FHOD3: variants seen among roughly 807,000 people sequenced by gnomAD.
FHOD3 encodes formin homology 2 domain containing 3.
In FHOD3, 90 loss-of-function variants were observed where a neutral mutation model predicts 173.0. That is an observed-to-expected ratio of 0.52 (90% CI 0.44 to 0.62). The LOEUF (loss-of-function observed/expected upper bound fraction) is 0.62, where lower values mean the gene tolerates loss of function less well. FHOD3 is among the 20% of genes least tolerant of loss of function. The pLI is 0.00. For missense variants in FHOD3, 1,945 were observed against 2,034.7 expected (o/e 0.96, Z 0.85); for synonymous variants, 828 against 823.0 (o/e 1.01, Z -0.10).
In FHOD3 at chr18:36,760,799, CG is replaced by C; in HGVS notation, c.4624+21del. On this transcript the variant is annotated intron_variant, in intron 27 of 28. Coordinates refer to ENST00000590592, the MANE Select transcript of FHOD3 (RefSeq NM_001281740.3). ...CAAGCCGAGGTAACTCCTGGCTGCG[CG>C]GGGCTCGTCTTGTCTTCTCAGGTTG... is the stretch of plus-strand genomic sequence containing the variant. The C allele has an allele frequency of 6.3e-7, 1 of 1,596,666 alleles. No individual in the cohort carries two copies. Among genetic ancestry groups the C allele is most frequent in the Non-Finnish European group, 8.5e-7 (1 of 1,172,098 alleles).
chr18:36,547,730 C>T (rs1274283261), intron 5 of FHOD3, among the ~76,000 whole-genome samples: 4 of 152,170 alleles, frequency 2.6e-5, no homozygotes, highest in Non-Finnish European at 4.4e-5. Context: ...ACCCGCAGAT[C>T]GTTGGAGGCA....
At chr18:36,703,669 T>C (rs2039708916) in intron 17 of FHOD3, among the ~76,000 whole-genome samples, 1 of 152,108 alleles carries the variant, frequency 6.6e-6, no homozygotes, top group African/African-American at 2.4e-5. Context: ...GAGTTGGTGT[T>C]GGGATTTGGG....
At chr18:36,309,925 G>A (rs557072266) in intron 1 of FHOD3, among the ~76,000 whole-genome samples, 1 of 152,350 alleles carries the variant, frequency 6.6e-6, no homozygotes, top group African/African-American at 2.4e-5. Flanking sequence ...GGCAAGTGGG[G>A]CATTTGGGCC....
At chr18:36,698,840 T>C (rs1447121801) in intron 17 of FHOD3, among the ~76,000 whole-genome samples, 1 of 152,216 alleles carries the variant, frequency 6.6e-6, no homozygotes, top group Non-Finnish European at 1.5e-5. Context: ...CAAGCCTCAG[T>C]TCCCACAGGG....
chr18:36,493,866 G>T (rs1030757188), intron 3 of FHOD3, among the ~76,000 whole-genome samples: 1 of 152,288 alleles, frequency 6.6e-6, no homozygotes, highest in Middle Eastern at 3.4e-3. Context: ...GAGGCTCTGG[G>T]GACGTGGTCC....
intron 2 of FHOD3, among the ~76,000 whole-genome samples, chr18:36,372,360 C>G (rs2047232682): frequency 6.6e-6 from 1 of 152,202 alleles, no homozygotes; most frequent in African/African-American, 2.4e-5. Flanking sequence ...CCAGGAATTT[C>G]ACTTCATGGA....
intron 17 of FHOD3, 97 bp from the exon 18 acceptor site, chr18:36,708,998 T>G (rs2040025320): frequency 6.9e-7 from 1 of 1,441,890 alleles, no homozygotes; most frequent in South Asian, 1.3e-5. Flanking sequence ...TGGACATCTG[T>G]CCACCACAGA....
At chr18:36,441,782 G>A (rs554204196) in intron 3 of FHOD3, among the ~76,000 whole-genome samples, 1 of 152,298 alleles carries the variant, frequency 6.6e-6, no homozygotes, top group African/African-American at 2.4e-5. Context: ...TGCCTGCCCC[G>A]TGGAACAAAA....
intron 9 of FHOD3, among the ~76,000 whole-genome samples, chr18:36,625,213 A>G (rs2034005900): frequency 6.6e-6 from 1 of 152,134 alleles, no homozygotes; most frequent in African/African-American, 2.4e-5. Flanking sequence ...TGGGGTACAG[A>G]GTTAGTTAGG....
At chr18:36,452,977 TTACAATGTC>T (rs751921378) in intron 3 of FHOD3, among the ~76,000 whole-genome samples, 13 of 152,146 alleles carry the variant, frequency 8.5e-5, no homozygotes, top group Non-Finnish European at 1.9e-4. Context: ...ATCTCTTTGT[TTACAATGTC>T]TACAATGTCT....
At chr18:36,328,961 A>G (rs1036383201) in intron 1 of FHOD3, among the ~76,000 whole-genome samples, 1 of 152,154 alleles carries the variant, frequency 6.6e-6, no homozygotes, top group Non-Finnish European at 1.5e-5. Flanking sequence ...TTCAGGCTGG[A>G]GCCATACAGT....
At chr18:36,707,178 C>T (rs1320032066) in intron 17 of FHOD3, among the ~76,000 whole-genome samples, 1 of 152,226 alleles carries the variant, frequency 6.6e-6, no homozygotes, top group Non-Finnish European at 1.5e-5. Context: ...GTAACTGCCA[C>T]CCATGAATCT....
intron 4 of FHOD3, among the ~76,000 whole-genome samples, chr18:36,509,237 C>A (rs2055485280): frequency 6.6e-6 from 1 of 152,034 alleles, no homozygotes; most frequent in African/African-American, 2.4e-5. Flanking sequence ...TTATTTGGAT[C>A]CTAATAAAAC....
At chr18:36,701,858 A>T (rs904119110) in intron 17 of FHOD3, among the ~76,000 whole-genome samples, 1 of 152,200 alleles carries the variant, frequency 6.6e-6, no homozygotes, top group Non-Finnish European at 1.5e-5. Flanking sequence ...TTTTGACTAT[A>T]CATGGTCAAA....
intron 3 of FHOD3, among the ~76,000 whole-genome samples, chr18:36,391,418 G>A (rs541193780): frequency 6.6e-6 from 1 of 152,272 alleles, no homozygotes; most frequent in African/African-American, 2.4e-5. Flanking sequence ...CCTGGCTGGG[G>A]TAGCCTTGTT....
At chr18:36,338,630 T>C (rs28559847) in intron 1 of FHOD3, among the ~76,000 whole-genome samples, 7,973 of 152,202 alleles carry the variant, frequency 0.052, 421 homozygotes, top group African/African-American at 0.13. Flanking sequence ...GGCTGTTTTC[T>C]GGGGGATGCT....
At chr18:36,377,581 G>A (rs1244871267) in intron 3 of FHOD3, among the ~76,000 whole-genome samples, 1 of 152,222 alleles carries the variant, frequency 6.6e-6, no homozygotes, top group Non-Finnish European at 1.5e-5. Flanking sequence ...TTCTGTGCTA[G>A]CTAGTAAAGA....
chr18:36,769,533 G>A (rs952474949), intron 28 of FHOD3, 107 bp downstream of exon 28: 3 of 1,409,990 alleles, frequency 2.1e-6, no homozygotes, highest in Non-Finnish European at 2.9e-6. Context: ...ATTGTCAGTG[G>A]CTCCCAGAGT....
At chr18:36,402,363 C>T (rs967842842) in intron 3 of FHOD3, among the ~76,000 whole-genome samples, 1 of 152,134 alleles carries the variant, frequency 6.6e-6, no homozygotes, top group African/African-American at 2.4e-5. Context: ...CTTATATACA[C>T]ACATAACCCA....
Sources: allele counts gnomAD v4.1 joint callset (sites outside exome capture counted in the v4.1 genomes callset), GRCh38; gene constraint gnomAD v4.1.1; transcripts MANE v1.5; gene names NCBI Gene and HGNC (gene_info 2026-07-23, HGNC 2026-07-21).